Variants in STK32B observed in about 807,000 individuals in gnomAD.
STK32B encodes the protein serine/threonine-protein kinase 32B.
A neutral mutation model predicts 52.6 loss-of-function variants in STK32B; 43 were observed. That is an observed-to-expected ratio of 0.82 (90% CI 0.64 to 1.05). The LOEUF (loss-of-function observed/expected upper bound fraction) is 1.05. STK32B is among the 50% of genes least tolerant of loss of function. The pLI is 0.00. For synonymous variants in STK32B, 238 were observed against 204.3 expected (o/e 1.17, Z -1.41); for missense variants, 621 against 534.6 (o/e 1.16, Z -1.59).
At chr4:5,201,607 G>T (rs960634212) in intron 3 of STK32B, among the ~76,000 whole-genome samples, 5 of 152,216 alleles carry the variant, frequency 3.3e-5, no homozygotes, top group African/African-American at 1.2e-4. Context: ...AGCTACCTGA[G>T]ACTGGGTCAT....
rs968580815 is a variant in STK32B at position 5,426,573 on chromosome 4, G to A, written c.562+9639G>A. Among the ~76,000 whole-genome samples, 15 of 151,614 alleles carry A rather than the reference G, an allele frequency of 9.9e-5. No homozygotes were observed. The South Asian group carries it at 2.1e-3, about 21-fold the overall frequency. ...ATACAAAAAATTAACTGGGTGTGGT[G>A]GTGTGCACCTGTAATCCCACTTACT... is the stretch of plus-strand genomic sequence containing the variant. On this transcript the variant is annotated intron_variant, in intron 6 of 11. Coordinates refer to ENST00000282908, the MANE Select transcript of STK32B (RefSeq NM_018401.3).
At chr4:5,209,131 T>C (rs1172203422) in intron 3 of STK32B, among the ~76,000 whole-genome samples, 1 of 152,190 alleles carries the variant, frequency 6.6e-6, no homozygotes, top group African/African-American at 2.4e-5. Context: ...TAACAGAAAA[T>C]TGTGAGTATG....
In STK32B at chr4:5,066,666, T is replaced by G. The variant is rs567341852; in HGVS notation, c.52+14751T>G. 9.2e-5 allele frequency among the ~76,000 whole-genome samples: 14 copies of G among 152,336 alleles called. No individual in the cohort carries two copies. The South Asian group carries it at 1.0e-3, about 11-fold the overall frequency. On this transcript the variant is annotated intron_variant, in intron 1 of 11. Transcript: ENST00000282908. Reference sequence around the variant, plus strand: ...AGCCAAATCTCTGGCACATGACAACTGTCCCATAAACTTAGCTATTTCTTC... The same window carrying G: ...AGCCAAATCTCTGGCACATGACAACGGTCCCATAAACTTAGCTATTTCTTC...
chr4:5,124,543 T>C (rs1715244267), intron 1 of STK32B, among the ~76,000 whole-genome samples: 1 of 152,030 alleles, frequency 6.6e-6, no homozygotes, highest in East Asian at 1.9e-4. Context: ...TCATGGAAGG[T>C]CAGAAAGGAA....
At position 5,339,811 on chromosome 4, in the gene STK32B, A is replaced by C. The variant is rs563282337; in HGVS notation, c.434+8418A>C. On this transcript the variant is annotated intron_variant, in intron 4 of 11. Coordinates refer to ENST00000282908, the MANE Select transcript of STK32B (RefSeq NM_018401.3). ...AACCTACTTCTTGGGCTGTTATGCAAATTTTATGAGAAAATGTTCATAAAG... is the reference window on the plus strand; with the variant it reads ...AACCTACTTCTTGGGCTGTTATGCACATTTTATGAGAAAATGTTCATAAAG... Among the ~76,000 whole-genome samples the C allele has an allele frequency of 3.3e-5, 5 of 152,286 alleles. No homozygotes were observed. In the East Asian group the frequency reaches 7.7e-4, roughly 24 times the overall value.
At chr4:5,102,909 C>A in intron 1 of STK32B, among the ~76,000 whole-genome samples, 1 of 95,484 alleles carries the variant, frequency 1.0e-5, no homozygotes, top group South Asian at 5.4e-4. Flanking sequence ...CTTCCTCCCT[C>A]CCCTCCCCTC....
intron 3 of STK32B, among the ~76,000 whole-genome samples, chr4:5,284,655 C>T (rs1264351070): frequency 6.6e-6 from 1 of 152,172 alleles, no homozygotes; most frequent in Non-Finnish European, 1.5e-5. Flanking sequence ...CACTGTAACA[C>T]ATACTGTATG....
intron 6 of STK32B, among the ~76,000 whole-genome samples, chr4:5,441,314 T>C (rs1241818723): frequency 1.3e-5 from 2 of 151,756 alleles, no homozygotes; most frequent in African/African-American, 4.8e-5. Flanking sequence ...AGATTCAACT[T>C]CTTCCTGGTT....
chr4:5,171,017 T>C (rs1447254466), intron 3 of STK32B, among the ~76,000 whole-genome samples: 5 of 152,232 alleles, frequency 3.3e-5, no homozygotes, highest in African/African-American at 1.2e-4. Flanking sequence ...TGTGAGATGG[T>C]ATCTCATTGT....
rs1332939220 is a variant in STK32B, at chr4:5,334,687, G to A, written c.434+3294G>A. ...ATTTATTGAGAGTTTTTAGCCTGAA[G>A]GGTTGTTGAATTTTGTCAAAGGCCT... On this transcript the variant is annotated intron_variant, in intron 4 of 11. Coordinates refer to ENST00000282908, the MANE Select transcript of STK32B (RefSeq NM_018401.3). Among the ~76,000 whole-genome samples, 5 of 149,978 alleles carry A rather than the reference G, an allele frequency of 3.3e-5. No individual in the cohort carries two copies. The South Asian group carries it at 6.3e-4, about 19-fold the overall frequency.
intron 6 of STK32B, among the ~76,000 whole-genome samples, chr4:5,438,913 C>A (rs1714407588): frequency 6.6e-6 from 1 of 151,650 alleles, no homozygotes; most frequent in African/African-American, 2.4e-5. Flanking sequence ...TCATCCATGT[C>A]CCTACAAAGG....
intron 3 of STK32B, among the ~76,000 whole-genome samples, chr4:5,249,723 A>C (rs1196667487): frequency 6.6e-6 from 1 of 152,144 alleles, no homozygotes; most frequent in Admixed American, 6.5e-5. Flanking sequence ...CCACGGTCTT[A>C]AAAACCCAGA....
chr4:5,081,715 G>C (rs1430646741), intron 1 of STK32B, among the ~76,000 whole-genome samples: 1 of 151,960 alleles, frequency 6.6e-6, no homozygotes, highest in Non-Finnish European at 1.5e-5. Flanking sequence ...TTCAGTTTCA[G>C]AATTCTTCTT....
intron 4 of STK32B, among the ~76,000 whole-genome samples, chr4:5,344,907 C>A (rs779598670): frequency 6.6e-6 from 1 of 151,906 alleles, no homozygotes; most frequent in South Asian, 2.1e-4. Context: ...GGCAACATGG[C>A]AAAAACCCAT....
intron 3 of STK32B, among the ~76,000 whole-genome samples, chr4:5,314,436 G>A (rs981751668): frequency 6.6e-6 from 1 of 152,198 alleles, no homozygotes; most frequent in Non-Finnish European, 1.5e-5. Context: ...TTGGGAGGCT[G>A]AGGCAGGTGG....
chr4:5,082,112 C>A (rs1478385424), intron 1 of STK32B, among the ~76,000 whole-genome samples: 1 of 152,116 alleles, frequency 6.6e-6, no homozygotes. Context: ...TCTGCCTGCT[C>A]TACATCTTTT....
intron 2 of STK32B, among the ~76,000 whole-genome samples, chr4:5,144,171 G>A (rs567587313): frequency 3.3e-5 from 5 of 152,148 alleles, no homozygotes; most frequent in Non-Finnish European, 7.3e-5. Context: ...GCAGTGTGGC[G>A]CAACACAGAG....
intron 3 of STK32B, among the ~76,000 whole-genome samples, chr4:5,311,915 T>TATAATATATATATATATATATA (rs1228362253): frequency 7.4e-6 from 1 of 135,438 alleles, no homozygotes; most frequent in Non-Finnish European, 1.5e-5. Flanking sequence ...TATATATATA[T>TATAATATATATATATATATATA]TTTTTTTTAA....
intron 7 of STK32B, among the ~76,000 whole-genome samples, chr4:5,448,129 C>T (rs905819669): frequency 2.0e-5 from 3 of 152,058 alleles, no homozygotes; most frequent in African/African-American, 4.8e-5. Context: ...TATTTGTCAC[C>T]CTGTAGTTAA....
Sources: gnomAD v4.1 joint callset for allele counts (sites outside exome capture counted in the v4.1 genomes callset) on GRCh38, gnomAD v4.1.1 for gene constraint, MANE v1.5 for transcripts, NCBI Gene and HGNC (gene_info 2026-07-23, HGNC 2026-07-21) for gene names.